Variants in CDH4 observed in about 807,000 individuals in gnomAD.
CDH4 encodes the protein cadherin-4.
Under a neutral mutation model 86.0 loss-of-function variants are expected in CDH4, and 33 were observed. The ratio of observed to expected loss-of-function variants is 0.38; its 90% CI spans 0.29 to 0.51. CDH4 has a LOEUF of 0.51. Among genes scored for constraint, CDH4 ranks in the 20% least tolerant of loss-of-function variants. The probability of loss-of-function intolerance (pLI) is 0.86; values close to 1 mark genes in which losing one functional copy is unlikely to be tolerated. For missense variants in CDH4, 1,114 were observed against 1,307.4 expected (o/e 0.85, Z 2.28); for synonymous variants, 555 against 549.4 (o/e 1.01, Z -0.14).
chr20:61,646,479 G>A (rs528868750), intron 2 of CDH4, among the ~76,000 whole-genome samples: 2 of 152,334 alleles, frequency 1.3e-5, no homozygotes, highest in South Asian at 4.1e-4. Context: ...GGCTCACCCT[G>A]GCTCTGCCAT....
At chr20:61,767,519 G>A (rs776549245) in intron 3 of CDH4, among the ~76,000 whole-genome samples, 1 of 152,224 alleles carries the variant, frequency 6.6e-6, no homozygotes, top group Non-Finnish European at 1.5e-5. Context: ...GGCAGAGAGA[G>A]GGGCAGGAGC....
chr20:61,304,144 A>G (rs370500661), intron 2 of CDH4, among the ~76,000 whole-genome samples: 2 of 152,240 alleles, frequency 1.3e-5, no homozygotes, highest in East Asian at 1.9e-4. Flanking sequence ...CAGATCAGGA[A>G]ACTGTCTTCA....
chr20:61,934,721 CCCCT>C (rs200422203), intron 15 of CDH4, among the ~76,000 whole-genome samples: 2,102 of 150,982 alleles, frequency 0.014, 42 homozygotes, highest in African/African-American at 0.047. Context: ...CAACTTGCCC[CCCCT>C]CCCCACCCCA....
In CDH4 at chr20:61,523,230, A is replaced by G. The variant is rs190634547; in HGVS notation, c.170-220333A>G. ...TTGCTGCTGGAGCTTTCTCACCATC[A>G]GGAGGCCTCATCTCAGGCCACGGCC... On this transcript the variant is annotated intron_variant, in intron 2 of 15. Transcript: ENST00000614565. Among the ~76,000 whole-genome samples, 485 of 152,328 alleles carry G rather than the reference A, an allele frequency of 3.2e-3. 3 individuals carry two copies. Among genetic ancestry groups the G allele is most frequent in the African/African-American group, 0.011 (440 of 41,576 alleles).
intron 2 of CDH4, among the ~76,000 whole-genome samples, chr20:61,678,480 G>A (rs2087471362): frequency 6.6e-6 from 1 of 152,238 alleles, no homozygotes; most frequent in Non-Finnish European, 1.5e-5. Flanking sequence ...CATTAATAAT[G>A]CGAAAGTGTG....
At chr20:61,578,471 G>T (rs1041428584) in intron 2 of CDH4, among the ~76,000 whole-genome samples, 32 of 152,320 alleles carry the variant, frequency 2.1e-4, no homozygotes, top group African/African-American at 6.7e-4. Flanking sequence ...TGAACTCTGA[G>T]CAATGTGTGA....
intron 2 of CDH4, among the ~76,000 whole-genome samples, chr20:61,406,890 G>T (rs1314294280): frequency 1.4e-5 from 2 of 146,108 alleles, no homozygotes; most frequent in Non-Finnish European, 3.0e-5. Context: ...CATCTGCTCT[G>T]CCCGGACCAC....
chr20:61,295,983 TA>T (rs911131739), intron 2 of CDH4, among the ~76,000 whole-genome samples: 33 of 152,238 alleles, frequency 2.2e-4, no homozygotes, highest in African/African-American at 7.9e-4. Flanking sequence ...TGGGAGGGTC[TA>T]CCCCCGCTGC....
intron 2 of CDH4, among the ~76,000 whole-genome samples, chr20:61,398,059 T>G (rs1016485053): frequency 1.3e-5 from 2 of 152,156 alleles, no homozygotes; most frequent in Non-Finnish European, 2.9e-5. Context: ...GCCAGAAGTG[T>G]GAGCTTCTTT....
rs2085827783 is a variant in CDH4 at position 61,517,128 on chromosome 20, G to T, written c.170-226435G>T. Among the ~76,000 whole-genome samples the T allele has an allele frequency of 6.6e-6, 1 of 152,180 alleles. No homozygotes were observed. Among genetic ancestry groups the T allele is most frequent in the Non-Finnish European group, 1.5e-5 (1 of 68,034 alleles). On this transcript the variant is annotated intron_variant, in intron 2 of 15. Transcript: ENST00000614565. This position sits in a 1 kb window ranked among gnomAD's most constrained non-coding sequence, Gnocchi z 6.6. ...TTGTGGCCACGATCCCTTCACCAAA[G>T]GGTAACCAGATTCCTGTATTCCAAC... is the stretch of plus-strand genomic sequence containing the variant.
intron 3 of CDH4, among the ~76,000 whole-genome samples, chr20:61,764,962 A>G (rs1202221352): frequency 6.6e-6 from 1 of 152,224 alleles, no homozygotes; most frequent in Admixed American, 6.5e-5. Flanking sequence ...CATAGGAAGC[A>G]CAGTTGATTA....
intron 2 of CDH4, among the ~76,000 whole-genome samples, chr20:61,615,572 A>T (rs1039130490): frequency 6.6e-6 from 1 of 152,180 alleles, no homozygotes; most frequent in Non-Finnish European, 1.5e-5. Context: ...GATATTGGGG[A>T]GTTGGAAACT....
intron 2 of CDH4, among the ~76,000 whole-genome samples, chr20:61,682,348 AGATG>A (rs1568753114): frequency 6.8e-6 from 1 of 146,340 alleles, no homozygotes; most frequent in African/African-American, 2.6e-5. Flanking sequence ...AGGGAGAGAT[AGATG>A]AATGGATGGA....
At chr20:61,637,034 C>T (rs2086954452) in intron 2 of CDH4, among the ~76,000 whole-genome samples, 1 of 152,158 alleles carries the variant, frequency 6.6e-6, no homozygotes, top group African/African-American at 2.4e-5. Context: ...TGGGTCCATT[C>T]GGGGGCAGGC....
intron 2 of CDH4, chr20:61,570,498 G>C (rs1231023156): frequency 1.7e-6 from 1 of 593,554 alleles, no homozygotes. Flanking sequence ...CGCAGCCCCT[G>C]CTCTCAAGGA....
At chr20:61,381,220 A>G (rs2084899139) in intron 2 of CDH4, among the ~76,000 whole-genome samples, 1 of 152,092 alleles carries the variant, frequency 6.6e-6, no homozygotes, top group African/African-American at 2.4e-5. Flanking sequence ...CTGCCTTGAA[A>G]GGTCACCAGG....
intron 2 of CDH4, among the ~76,000 whole-genome samples, chr20:61,726,107 A>G (rs2088107584): frequency 6.6e-6 from 1 of 151,734 alleles, no homozygotes. Context: ...CAGTGGGGAG[A>G]GCATGGCATG....
intron 2 of CDH4, among the ~76,000 whole-genome samples, chr20:61,441,496 C>T (rs1338189146): frequency 1.3e-5 from 2 of 152,184 alleles, no homozygotes; most frequent in Non-Finnish European, 2.9e-5. Flanking sequence ...CTGCTGTGTT[C>T]TGAATGTCTG....
chr20:61,278,947 A>G (rs751060035), intron 2 of CDH4, among the ~76,000 whole-genome samples: 30 of 152,230 alleles, frequency 2.0e-4, no homozygotes, highest in Non-Finnish European at 3.7e-4. Flanking sequence ...GCTTTGCCAT[A>G]GCAGGGTTCA....
Sources: allele counts gnomAD v4.1 joint callset (sites outside exome capture counted in the v4.1 genomes callset), GRCh38; gene constraint gnomAD v4.1.1; non-coding constraint Gnocchi (gnomAD v3.1); transcripts MANE v1.5; gene names NCBI Gene and HGNC (gene_info 2026-07-23, HGNC 2026-07-21).